The following LRPAP1 variants were observed in gnomAD, a reference collection of about 807,000 sequenced individuals.
The protein encoded by LRPAP1 is LDL receptor related protein associated protein 1.
In LRPAP1, 41 loss-of-function variants were observed where a neutral mutation model predicts 39.9. The observed-to-expected ratio is 1.03, with a 90% confidence interval of 0.80 to 1.33. The LOEUF (loss-of-function observed/expected upper bound fraction) is 1.33. LRPAP1 is among the 40% of genes most tolerant of loss of function. The pLI is 0.00. For missense variants in LRPAP1, 565 were observed against 482.3 expected, an observed-to-expected ratio of 1.17 and a Z score of -1.61; for synonymous variants, 263 against 212.7, an observed-to-expected ratio of 1.24 and a Z score of -2.06.
At position 3,507,294 on chromosome 4, in the gene LRPAP1, C is replaced by A. The variant is rs868224305; in HGVS notation, c.*5680G>T. On this transcript the variant is annotated 3_prime_UTR_variant, in exon 8 of 8. Transcript: ENST00000650182. ...GAATTAAGTAGGCCCTTCCCAAAGA[C>A]GCCACCCAAATGGCCAAGAGCAGAC... The A allele has an allele frequency of 6.6e-6, 1 of 152,164 alleles. No homozygotes were observed. The highest frequency in any genetic ancestry group is 2.4e-5 in the African/African-American group (1 of 41,436). 9.4% of individuals were successfully genotyped at this position (152,164 alleles called of 1,614,324 possible). A position where few individuals can be genotyped will look rare whatever the true frequency, so the allele number is the denominator to read the frequency against.
chr4:3,531,958 T>G (rs2108700748), intron 1 of LRPAP1: 2 of 559,970 alleles, frequency 3.6e-6, no homozygotes, highest in South Asian at 4.3e-5. Flanking sequence ...AGGGCGACAC[T>G]GACCCTCGGG....
intron 1 of LRPAP1, among the ~76,000 whole-genome samples, chr4:3,527,208 C>T (rs1278301682): frequency 6.6e-6 from 1 of 152,048 alleles, no homozygotes; most frequent in Non-Finnish European, 1.5e-5. Context: ...TGTGCCTCTT[C>T]CCCAGCCAGC....
chr4:3,523,833 C>CT (rs1729996148), intron 2 of LRPAP1, among the ~76,000 whole-genome samples: 1 of 152,226 alleles, frequency 6.6e-6, no homozygotes, highest in Admixed American at 6.5e-5. Flanking sequence ...GCAACAAGTG[C>CT]GATGGCAGCC....
Position 3,516,102 on chromosome 4 carries a change from C to A in LRPAP1, c.834+14G>T. The stretch of plus-strand genomic sequence containing the variant: ...ACAGGAGAGAGCTAGAAGGAGAGGG[C>A]CGTGTTTCCTTACCCGGAACGCCTC... On this transcript the variant is annotated intron_variant, in intron 6 of 7. Transcript: ENST00000650182. 2 of 1,562,454 alleles carry A rather than the reference C, an allele frequency of 1.3e-6. No individual in the cohort carries two copies. The highest frequency in any genetic ancestry group is 1.7e-6 in the Non-Finnish European group (2 of 1,152,454).
At position 3,504,188 on chromosome 4, in the gene LRPAP1, G is replaced by A. The variant is rs1245012689; in HGVS notation, c.*8786C>T. ...GCAAGATCTGGCCTGCGGCCCTTCA[G>A]GGGTCAGCATGACTTGTGTGGGTCA... On this transcript the variant is annotated 3_prime_UTR_variant, in exon 8 of 8. Coordinates refer to ENST00000650182, the MANE Select transcript of LRPAP1 (RefSeq NM_002337.4). 4.6e-5 allele frequency: 7 copies of A among 152,342 alleles called. No homozygotes were observed. The highest frequency in any genetic ancestry group is 1.0e-4 in the Non-Finnish European group (7 of 68,114). The allele number at this position is 152,342 out of a possible 1,614,324, so 9.4% of individuals were successfully genotyped here. A position where few individuals can be genotyped will look rare whatever the true frequency, so the allele number is the denominator to read the frequency against.
At chr4:3,521,272 G>A (rs1307356827) in intron 2 of LRPAP1, among the ~76,000 whole-genome samples, 1 of 152,222 alleles carries the variant, frequency 6.6e-6, no homozygotes, top group African/African-American at 2.4e-5. Flanking sequence ...CCCCGAGTAG[G>A]CCTCTCCCAA....
intron 2 of LRPAP1, among the ~76,000 whole-genome samples, chr4:3,520,419 C>T (rs535671672): frequency 1.3e-5 from 2 of 152,294 alleles, no homozygotes; most frequent in South Asian, 2.1e-4. Flanking sequence ...TGGCGACTCA[C>T]GGGACACCCC....
chr4:3,511,665 G>C lies in LRPAP1; in HGVS notation c.*1309C>G, dbSNP rs1378496471. On this transcript the variant is annotated 3_prime_UTR_variant, in exon 8 of 8. Coordinates refer to ENST00000650182, the MANE Select transcript of LRPAP1 (RefSeq NM_002337.4). Reference sequence around the variant, plus strand: ...TGGCAGATCTCAACAGTCAAGCCAAGATCCAGCTGCAGTCAAAACACAATA... The same window carrying C: ...TGGCAGATCTCAACAGTCAAGCCAACATCCAGCTGCAGTCAAAACACAATA... The C allele has an allele frequency of 1.3e-5, 2 of 152,334 alleles. No individual in the cohort carries two copies. Among genetic ancestry groups the C allele is most frequent in the Non-Finnish European group, 2.9e-5 (2 of 68,108 alleles). The allele number at this position is 152,334 out of a possible 1,614,324, so 9.4% of individuals were successfully genotyped here. A position where few individuals can be genotyped will look rare whatever the true frequency, so the allele number is the denominator to read the frequency against.
At chr4:3,515,275 T>C in intron 6 of LRPAP1, among the ~76,000 whole-genome samples, 1 of 152,142 alleles carries the variant, frequency 6.6e-6, no homozygotes, top group East Asian at 1.9e-4. Flanking sequence ...CCAGCCTGCC[T>C]GGGCTCCACT....
In LRPAP1 at chr4:3,509,843, G is replaced by C. The variant is rs112919605; in HGVS notation, c.*3131C>G. The C allele has an allele frequency of 2.7e-5, 4 of 150,576 alleles. No individual in the cohort carries two copies. Among genetic ancestry groups the C allele is most frequent in the Admixed American group, 6.6e-5 (1 of 15,128 alleles). The allele number at this position is 150,576 out of a possible 1,614,324, so 9.3% of individuals were successfully genotyped here. ...GGACACTGGAGACTGTTGAGACGCC[G>C]ACTGGAGTCACACACGGCAGTCAAC... On this transcript the variant is annotated 3_prime_UTR_variant, in exon 8 of 8. Coordinates refer to ENST00000650182, the MANE Select transcript of LRPAP1 (RefSeq NM_002337.4).
chr4:3,514,510 C>T (rs993003582), intron 7 of LRPAP1, among the ~76,000 whole-genome samples: 14 of 152,358 alleles, frequency 9.2e-5, no homozygotes, highest in Admixed American at 4.6e-4. Context: ...AGTGGCCCGC[C>T]GGGGCCTGCG....
intron 1 of LRPAP1, among the ~76,000 whole-genome samples, chr4:3,528,469 G>A (rs1022793130): frequency 2.0e-4 from 30 of 152,114 alleles, no homozygotes; most frequent in Admixed American, 1.6e-3. Flanking sequence ...GCTTCTCAAC[G>A]CCCCAGGAAA....
At position 3,518,225 on chromosome 4, in the gene LRPAP1, G is replaced by A. The variant is rs1289366011; in HGVS notation, c.593-33C>T. ...ACCGAAGGCAGGACGCCATGAGGCTGGGAGTCCTCGCACTGCCTGCCCAGA... is the reference window on the plus strand; with the variant it reads ...ACCGAAGGCAGGACGCCATGAGGCTAGGAGTCCTCGCACTGCCTGCCCAGA... On this transcript the variant is annotated intron_variant, in intron 4 of 7. Coordinates refer to ENST00000650182, the MANE Select transcript of LRPAP1 (RefSeq NM_002337.4). The A allele has an allele frequency of 3.1e-6, 5 of 1,591,870 alleles. No homozygotes were observed. The South Asian group carries it at 4.5e-5, about 14-fold the overall frequency.
chr4:3,519,123 C>A (rs1006240031), intron 3 of LRPAP1, 132 bp from the exon 4 acceptor site: 2 of 1,435,862 alleles, frequency 1.4e-6, no homozygotes, highest in South Asian at 1.4e-5. Flanking sequence ...CTTGGCCTCA[C>A]GAAGGGCAGG....
intron 7 of LRPAP1, 57 bp downstream of exon 7, chr4:3,514,695 G>T (rs947867663): frequency 5.2e-6 from 8 of 1,538,568 alleles, no homozygotes; most frequent in Non-Finnish European, 7.0e-6. Flanking sequence ...CATGTGGGCG[G>T]CCTCATCTTT....
intron 5 of LRPAP1, 90 bp downstream of exon 5, chr4:3,517,944 C>T (rs964768337): frequency 2.1e-5 from 31 of 1,477,354 alleles, no homozygotes; most frequent in Non-Finnish European, 2.7e-5. Context: ...CCCAGGTTCC[C>T]GTCGCTACAA....
At position 3,524,830 on chromosome 4, in the gene LRPAP1, G is replaced by A. The variant is rs965310928; in HGVS notation, c.349+77C>T. The A allele has an allele frequency of 7.9e-5, 121 of 1,523,278 alleles. No homozygotes were observed. The Middle Eastern group carries it at 1.5e-3, about 19-fold the overall frequency. 94.4% of individuals were successfully genotyped at this position (1,523,278 alleles called of 1,614,324 possible). ...ATTCCCAAATCCAAAAACAAAATCC[G>A]ACATCCAAAACACTGCCGCTCTCAA... On this transcript the variant is annotated intron_variant, in intron 2 of 7. Transcript: ENST00000650182.
At chr4:3,530,270 G>A (rs1730209352) in intron 1 of LRPAP1, among the ~76,000 whole-genome samples, 1 of 152,022 alleles carries the variant, frequency 6.6e-6, no homozygotes, top group Non-Finnish European at 1.5e-5. Context: ...CGGGTCTGAC[G>A]CCTGCACACT....
At chr4:3,532,108 C>T (rs1730272879) in intron 1 of LRPAP1, 101 bp downstream of exon 1, 1 of 1,319,474 alleles carries the variant, frequency 7.6e-7, no homozygotes, top group Non-Finnish European at 1.0e-6. Flanking sequence ...GGTGCCCCGG[C>T]TGCGCCCCCC....
Sources: gnomAD v4.1 joint callset for allele counts (sites outside exome capture counted in the v4.1 genomes callset) on GRCh38, gnomAD v4.1.1 for gene constraint, MANE v1.5 for transcripts, NCBI Gene and HGNC (gene_info 2026-07-23, HGNC 2026-07-21) for gene names.